AIFM3: variants seen among roughly 807,000 people sequenced by gnomAD.
AIFM3 encodes the protein AIF family member 3.
Under a neutral mutation model 82.7 loss-of-function variants are expected in AIFM3, and 71 were observed. That is an observed-to-expected ratio of 0.86 (90% CI 0.71 to 1.05). The LOEUF is 1.05. Among genes scored for constraint, AIFM3 ranks in the 50% least tolerant of loss-of-function variants. AIFM3 has a pLI of 0.00. For synonymous variants in AIFM3, 337 were observed against 329.1 expected (o/e 1.02, Z -0.26); for missense variants, 748 against 816.7 (o/e 0.92, Z 1.03).
At chr22:20,980,898 C>A (rs1315999396) in intron 20 of AIFM3, 94 bp from the exon 21 acceptor site, 4 of 1,607,472 alleles carry the variant, frequency 2.5e-6, no homozygotes, top group Non-Finnish European at 3.4e-6. Context: ...ACAGAACAGA[C>A]CCCCTGCTGT....
chr22:20,976,700 G>A lies in AIFM3; in HGVS notation c.1080G>A (p.Val360=). Residue 360 remains valine, a synonymous_variant, in exon 12 of 21, where the codon GTG becomes GTA. Coordinates refer to ENST00000440238, the MANE Select transcript of AIFM3 (RefSeq NM_001386814.1). ...CGGAGAAGGCCCACTCTGTGTCTGTGGTGGAGCTGGAGGAGACGCCCTTCA... is the reference window on the plus strand; with the variant it reads ...CGGAGAAGGCCCACTCTGTGTCTGTAGTGGAGCTGGAGGAGACGCCCTTCA... The part of the protein sequence containing the change: ...YLTEKAHSVS[V]VELEETPFRR... 1 of 1,609,338 alleles carries A rather than the reference G, an allele frequency of 6.2e-7. No individual in the cohort carries two copies.
Position 20,980,115 on chromosome 22 carries a change from G to A in AIFM3, c.1748G>A (p.Arg583Gln), listed in dbSNP as rs1008206831. 1 of 1,607,498 alleles carries A rather than the reference G, an allele frequency of 6.2e-7. No homozygotes were observed. Among genetic ancestry groups the A allele is most frequent in the Non-Finnish European group, 8.5e-7 (1 of 1,179,948 alleles). Residue 583 changes from arginine to glutamine, a missense_variant, in exon 19 of 21, where the codon CGG (arginine) becomes CAG (glutamine). This residue lies in a region of AIFM3 where 183 missense variants were observed against 158.2 expected (regional missense o/e 1.16). Coordinates refer to ENST00000440238, the MANE Select transcript of AIFM3 (RefSeq NM_001386814.1). Reference protein sequence around the residue: ...VLASGRAIRKREVELFVLHSK... With the variant: ...VLASGRAIRKQEVELFVLHSK... ...GCCTCAGGCCGTGCCATCCGGAAGC[G>A]GGAGGTGGAGTGAGTGTGGGTGTGG...
At position 20,976,713 on chromosome 22, in the gene AIFM3, G is replaced by GAGAC; in HGVS notation, c.1094_1097dup (p.Pro367AspfsTer20). ...CTCTGTGTCTGTGGTGGAGCTGGAG[G>GAGAC]AGACGCCCTTCAGGAGGTTCCTGGG... On this transcript the variant is annotated frameshift_variant, in exon 12 of 21. Coordinates refer to ENST00000440238, the MANE Select transcript of AIFM3 (RefSeq NM_001386814.1). LOFTEE classifies it high-confidence loss of function. 6.2e-7 allele frequency: 1 copy of GAGAC among 1,609,442 alleles called. No individual in the cohort carries two copies. Among genetic ancestry groups the GAGAC allele is most frequent in the East Asian group, 2.2e-5 (1 of 44,616 alleles).
At chr22:20,972,594 T>C (rs1923341685) in intron 2 of AIFM3, among the ~76,000 whole-genome samples, 1 of 152,148 alleles carries the variant, frequency 6.6e-6, no homozygotes, top group African/African-American at 2.4e-5. Flanking sequence ...TGTATGTACA[T>C]GAGTCATACC....
At chr22:20,967,720 C>T (rs1259730747) in intron 1 of AIFM3, 85 bp from the exon 2 acceptor site, 7 of 591,480 alleles carry the variant, frequency 1.2e-5, no homozygotes, top group South Asian at 8.1e-5. Flanking sequence ...AGACTCTTTC[C>T]GAAGCTCCCA....
chr22:20,979,846 C>T (rs1204732768), intron 18 of AIFM3, 144 bp downstream of exon 18: 26 of 1,218,020 alleles, frequency 2.1e-5, no homozygotes, highest in Non-Finnish European at 2.8e-5. Context: ...AAGCCCGAAG[C>T]TTGTGCACGG....
At chr22:20,976,151 G>C in intron 9 of AIFM3, 64 bp from the exon 10 acceptor site, 2 of 1,549,460 alleles carry the variant, frequency 1.3e-6, no homozygotes, top group African/African-American at 1.3e-5. Context: ...CTGCAGGACC[G>C]GGGAGTGGGC....
chr22:20,967,746 C>T, intron 1 of AIFM3, 59 bp from the exon 2 acceptor site: 1 of 606,052 alleles, frequency 1.7e-6, no homozygotes, highest in Non-Finnish European at 2.9e-6. Flanking sequence ...TCTCTCCGTC[C>T]CTCTGTGTCT....
chr22:20,977,143 C>T (rs1426269862), intron 14 of AIFM3, 48 bp downstream of exon 14: 3 of 1,610,038 alleles, frequency 1.9e-6, no homozygotes, highest in South Asian at 1.1e-5. Flanking sequence ...CAGCCGTCTG[C>T]ACATGCTCAC....
chr22:20,971,961 G>A (rs1013240974), intron 2 of AIFM3, among the ~76,000 whole-genome samples: 2 of 120,496 alleles, frequency 1.7e-5, no homozygotes, highest in Non-Finnish European at 3.5e-5. Flanking sequence ...TCTGTATGGA[G>A]GCTGTGGGGG....
At chr22:20,979,535 A>G (rs1287114716) in intron 17 of AIFM3, 92 bp from the exon 18 acceptor site, 3 of 1,526,598 alleles carry the variant, frequency 2.0e-6, no homozygotes, top group Non-Finnish European at 2.7e-6. Context: ...GGACGTATGG[A>G]GCAGGGCCTG....
rs771110770 is a variant in AIFM3 at position 20,974,808 on chromosome 22, C to T, written c.712C>T (p.Leu238Phe). 3 of 1,612,436 alleles carry T rather than the reference C, an allele frequency of 1.9e-6. No homozygotes were observed. Among genetic ancestry groups the T allele is most frequent in the Non-Finnish European group, 2.5e-6 (3 of 1,179,842 alleles). Reference sequence around the variant, plus strand: ...GCACCTTCCCTACGACCGTCCCAAGCTCAGCAAGGTACAGGGGGTGGGGCA... The same window carrying T: ...GCACCTTCCCTACGACCGTCCCAAGTTCAGCAAGGTACAGGGGGTGGGGCA... ...DRHLPYDRPK[L>F]SKSLDTQPEQ... Residue 238 changes from leucine to phenylalanine, a missense_variant, in exon 8 of 21, where the codon CTC (leucine) becomes TTC (phenylalanine). Physicochemically the swap from Leu to Phe is conservative, Grantham distance 22 (BLOSUM62 0). Coordinates refer to ENST00000440238, the MANE Select transcript of AIFM3 (RefSeq NM_001386814.1).
chr22:20,976,378 G>A, intron 10 of AIFM3, 30 bp from the exon 11 acceptor site: 4 of 1,613,730 alleles, frequency 2.5e-6, no homozygotes, highest in Non-Finnish European at 2.5e-6. Flanking sequence ...GGGCTGCCAG[G>A]AGGCCCTCAC....
chr22:20,977,028 A>G lies in AIFM3; in HGVS notation c.1219-4A>G. On this transcript the variant is annotated splice_region_variant and splice_polypyrimidine_tract_variant and intron_variant, in intron 13 of 20. Coordinates refer to ENST00000440238, the MANE Select transcript of AIFM3 (RefSeq NM_001386814.1). Reference sequence around the variant, plus strand: ...CCACCTGTTTATCCACCCACTCCCCACAGCTGAAGGAGGTTGTGCTGAAGA... The same window carrying G: ...CCACCTGTTTATCCACCCACTCCCCGCAGCTGAAGGAGGTTGTGCTGAAGA... 3 of 1,614,106 alleles carry G rather than the reference A, an allele frequency of 1.9e-6. No homozygotes were observed. Among genetic ancestry groups the G allele is most frequent in the African/African-American group, 2.7e-5 (2 of 75,006 alleles).
rs368864004 is a variant in AIFM3, at chr22:20,980,052, A to T, written c.1685A>T (p.Asn562Ile). The change falls in exon 19 of 21, where the codon AAC becomes ATC. Residue 562 changes from asparagine to isoleucine, a missense_variant. By Grantham distance (149) the Asn-to-Ile change is moderately radical. Transcript: ENST00000440238. ...GAGGTGATCGCCGTGGCCAGCATGA[A>T]CTACGATCCCATTGTGTCCAAGGTC... ...GDEVIAVASM[N>I]YDPIVSKVAE... 47 of 1,611,562 alleles carry T rather than the reference A, an allele frequency of 2.9e-5. No individual in the cohort carries two copies. In the African/African-American group the frequency reaches 4.9e-4, roughly 17 times the overall value.
At chr22:20,969,234 C>T (rs954872688) in intron 2 of AIFM3, among the ~76,000 whole-genome samples, 4 of 152,186 alleles carry the variant, frequency 2.6e-5, no homozygotes, top group East Asian at 1.9e-4. Flanking sequence ...GCCTGGGACC[C>T]GTGGCCCCAG....
chr22:20,981,038 A>G lies in AIFM3; in HGVS notation c.*7A>G. 6.2e-7 allele frequency: 1 copy of G among 1,614,114 alleles called. No homozygotes were observed. Among genetic ancestry groups the G allele is most frequent in the African/African-American group, 1.3e-5 (1 of 75,044 alleles). Reference sequence around the variant, plus strand: ...TACGGGGAAAGGATCCTGAGCTCACATGCAGTAGACTTGGGCAGGCAAAGG... The same window carrying G: ...TACGGGGAAAGGATCCTGAGCTCACGTGCAGTAGACTTGGGCAGGCAAAGG... On this transcript the variant is annotated 3_prime_UTR_variant, in exon 21 of 21. Transcript: ENST00000440238.
At chr22:20,978,154 G>C (rs739524) in intron 16 of AIFM3, 149 bp downstream of exon 16, 14 of 747,002 alleles carry the variant, frequency 1.9e-5, no homozygotes, top group Non-Finnish European at 2.7e-5. Flanking sequence ...GCCTCATCTC[G>C]GCGATCCAGC....
chr22:20,978,445 C>G (rs1416084301), intron 16 of AIFM3, among the ~76,000 whole-genome samples: 1 of 152,056 alleles, frequency 6.6e-6, no homozygotes, highest in Non-Finnish European at 1.5e-5. Flanking sequence ...TCAGTGGAGG[C>G]ACTGTGCTTT....
Sources: allele counts gnomAD v4.1 joint callset (sites outside exome capture counted in the v4.1 genomes callset), GRCh38; gene constraint gnomAD v4.1.1; regional missense constraint gnomAD v4.1.1; transcripts MANE v1.5; gene names NCBI Gene and HGNC (gene_info 2026-07-23, HGNC 2026-07-21).